The following ZFPM2 variants were observed in gnomAD, a reference collection of about 807,000 sequenced individuals.
ZFPM2 encodes the protein zinc finger protein, FOG family member 2.
A neutral mutation model predicts 98.6 loss-of-function variants in ZFPM2; 20 were observed. The ratio of observed to expected loss-of-function variants is 0.20; its 90% CI spans 0.14 to 0.29. ZFPM2 has a LOEUF of 0.29. Ranked by LOEUF, ZFPM2 falls within the 10% of genes least tolerant of loss-of-function variation. The pLI is 1.00. For synonymous variants in ZFPM2, 518 were observed against 502.7 expected, an observed-to-expected ratio of 1.03 and a Z score of -0.41; for missense variants, 1,310 against 1,388.6, an observed-to-expected ratio of 0.94 and a Z score of 0.90.
intron 7 of ZFPM2, among the ~76,000 whole-genome samples, chr8:105,800,569 T>C (rs1813970546): frequency 1.3e-5 from 2 of 152,142 alleles, no homozygotes; most frequent in Non-Finnish European, 2.9e-5. Context: ...TTGGCCTCTT[T>C]AGAATATAAC....
At chr8:105,778,414 CAAGT>C (rs1236985051) in intron 5 of ZFPM2, among the ~76,000 whole-genome samples, 6 of 151,960 alleles carry the variant, frequency 3.9e-5, no homozygotes, top group Non-Finnish European at 7.4e-5. Context: ...AATGACCAAA[CAAGT>C]AAGTATTCCG....
At chr8:105,648,002 A>G (rs1817085676) in intron 5 of ZFPM2, among the ~76,000 whole-genome samples, 1 of 152,134 alleles carries the variant, frequency 6.6e-6, no homozygotes, top group Non-Finnish European at 1.5e-5. Flanking sequence ...CAACAGTGTA[A>G]AAGTGTTCCT....
intron 5 of ZFPM2, among the ~76,000 whole-genome samples, chr8:105,685,458 GCTT>G (rs1277729643): frequency 6.6e-6 from 1 of 151,950 alleles, no homozygotes; most frequent in Non-Finnish European, 1.5e-5. Flanking sequence ...TCTATAGTCT[GCTT>G]ACCTACGTTG....
intron 5 of ZFPM2, among the ~76,000 whole-genome samples, chr8:105,665,022 A>G (rs1817463102): frequency 6.6e-6 from 1 of 152,284 alleles, no homozygotes; most frequent in East Asian, 1.9e-4. Flanking sequence ...TATAATGGTA[A>G]GAAGTTTATT....
chr8:105,679,798 A>C (rs1347657598), intron 5 of ZFPM2, among the ~76,000 whole-genome samples: 4 of 93,772 alleles, frequency 4.3e-5, no homozygotes, highest in Non-Finnish European at 6.7e-5. Flanking sequence ...CTCTGTCTTA[A>C]AAAAAAAAAA....
intron 2 of ZFPM2, among the ~76,000 whole-genome samples, chr8:105,421,090 C>T (rs534801041): frequency 6.6e-6 from 1 of 152,106 alleles, no homozygotes; most frequent in African/African-American, 2.4e-5. Flanking sequence ...ATGGCAAATG[C>T]TTACATGAGG....
intron 5 of ZFPM2, among the ~76,000 whole-genome samples, chr8:105,639,315 G>A (rs1408077200): frequency 6.6e-6 from 1 of 151,808 alleles, no homozygotes; most frequent in Non-Finnish European, 1.5e-5. Flanking sequence ...CTTTCATGTG[G>A]GTTTAATCAC....
chr8:105,456,812 A>G (rs1030076166), intron 3 of ZFPM2, among the ~76,000 whole-genome samples: 4 of 152,052 alleles, frequency 2.6e-5, no homozygotes, highest in African/African-American at 4.8e-5. Context: ...GGCGGGGACT[A>G]CAGGCTCACA....
intron 5 of ZFPM2, among the ~76,000 whole-genome samples, chr8:105,768,571 C>T (rs917163337): frequency 6.6e-6 from 1 of 151,906 alleles, no homozygotes; most frequent in African/African-American, 2.4e-5. Flanking sequence ...AGACTGCTGA[C>T]TTGATTCTGT....
At chr8:105,745,430 A>G (rs1812321063) in intron 5 of ZFPM2, among the ~76,000 whole-genome samples, 1 of 152,088 alleles carries the variant, frequency 6.6e-6, no homozygotes, top group Non-Finnish European at 1.5e-5. Flanking sequence ...CACATATAAA[A>G]TATTTTTGAA....
chr8:105,441,547 G>T (rs908757746), intron 2 of ZFPM2, among the ~76,000 whole-genome samples: 1 of 151,640 alleles, frequency 6.6e-6, no homozygotes, highest in African/African-American at 2.4e-5. Flanking sequence ...AGGAGTTCAG[G>T]ATCCCTTGGT....
At chr8:105,445,907 GTTCTT>G (rs1283546632) in intron 3 of ZFPM2, among the ~76,000 whole-genome samples, 4 of 150,394 alleles carry the variant, frequency 2.7e-5, no homozygotes, top group Admixed American at 2.0e-4. Context: ...GCCTCTTACA[GTTCTT>G]TTCTTTTCTT....
intron 5 of ZFPM2, chr8:105,662,334 G>A (rs546937831): frequency 1.3e-5 from 2 of 152,104 alleles, no homozygotes; most frequent in Non-Finnish European, 2.9e-5. Context: ...TGTGGCAGGA[G>A]TGGGTGGGGA....
intron 1 of ZFPM2, among the ~76,000 whole-genome samples, chr8:105,360,617 T>TC (rs950976403): frequency 2.7e-5 from 3 of 111,290 alleles, no homozygotes; most frequent in African/African-American, 1.0e-4. Context: ...GTGCTATCCC[T>TC]CCCCCCTCCC....
intron 3 of ZFPM2, among the ~76,000 whole-genome samples, chr8:105,472,535 C>T (rs1235517110): frequency 6.6e-6 from 1 of 152,108 alleles, no homozygotes; most frequent in East Asian, 1.9e-4. Context: ...CGGAGTCTCA[C>T]TCTGTCGCCC....
chr8:105,413,917 G>A (rs142377534), intron 1 of ZFPM2, among the ~76,000 whole-genome samples: 293 of 151,994 alleles, frequency 1.9e-3, no homozygotes, highest in African/African-American at 6.6e-3. Context: ...GTGTGTTTTC[G>A]GGGCAAATTC....
chr8:105,713,322 T>A (rs1457982797), intron 5 of ZFPM2, among the ~76,000 whole-genome samples: 1 of 152,166 alleles, frequency 6.6e-6, no homozygotes, highest in East Asian at 1.9e-4. Context: ...TTGTATTTCT[T>A]CTTTTGAAGA....
intron 3 of ZFPM2, among the ~76,000 whole-genome samples, chr8:105,452,990 ATAAG>A (rs1812517801): frequency 6.6e-6 from 1 of 152,208 alleles, no homozygotes. Flanking sequence ...GGCTTAAAAT[ATAAG>A]TAAAGATCAA....
chr8:105,646,484 G>T (rs1469714807), intron 5 of ZFPM2, among the ~76,000 whole-genome samples: 1 of 152,126 alleles, frequency 6.6e-6, no homozygotes, highest in Admixed American at 6.5e-5. Flanking sequence ...AGTTATGAAG[G>T]CTTCTGCGGG....
Sources: allele counts gnomAD v4.1 joint callset (sites outside exome capture counted in the v4.1 genomes callset), GRCh38; gene constraint gnomAD v4.1.1; transcripts MANE v1.5; gene names NCBI Gene and HGNC (gene_info 2026-07-23, HGNC 2026-07-21).